The following KAZN variants were observed in gnomAD, a reference collection of about 807,000 sequenced individuals.
KAZN encodes kazrin, periplakin interacting protein, also known as kazrin.
A neutral mutation model predicts 87.4 loss-of-function variants in KAZN; 40 were observed. The ratio of observed to expected loss-of-function variants is 0.46; its 90% CI spans 0.36 to 0.60. The LOEUF is 0.60. Ranked by LOEUF, KAZN falls within the 20% of genes least tolerant of loss-of-function variation. The pLI is 0.00. For missense variants in KAZN, 898 were observed against 1,073.9 expected (o/e 0.84, Z 2.29); for synonymous variants, 466 against 458.3 (o/e 1.02, Z -0.22).
chr1:14,596,492 A>G (rs1001003760), upstream of KAZN, among the ~76,000 whole-genome samples: 2 of 152,228 alleles, frequency 1.3e-5, no homozygotes, highest in South Asian at 2.1e-4. Flanking sequence ...GAACAATTCA[A>G]TGGCACTTAG....
At chr1:14,867,724 A>ATCCCCCCCCC (rs35065469) in intron 1 of KAZN, among the ~76,000 whole-genome samples, 12 of 107,422 alleles carry the variant, frequency 1.1e-4, no homozygotes, top group East Asian at 3.2e-4. Context: ...CTTTGAAGAC[A>ATCCCCCCCCC]CCCCCCCCCC....
intron 1 of KAZN, among the ~76,000 whole-genome samples, chr1:14,076,149 C>A (rs1436404473): frequency 6.6e-6 from 1 of 151,988 alleles, no homozygotes; most frequent in Non-Finnish European, 1.5e-5. Context: ...GGCTTGGTGG[C>A]ACACACCTGT....
chr1:14,283,122 C>G (rs985781365), intron 2 of KAZN, among the ~76,000 whole-genome samples: 5 of 152,158 alleles, frequency 3.3e-5, no homozygotes, highest in Non-Finnish European at 5.9e-5. Context: ...CATTTCCTTT[C>G]TTTCTTTCTT....
intron 1 of KAZN, among the ~76,000 whole-genome samples, chr1:14,103,428 T>C (rs1644302849): frequency 1.3e-5 from 2 of 152,230 alleles, no homozygotes; most frequent in Admixed American, 6.5e-5. Context: ...ATTACAAGTT[T>C]AGCAGCTTAA....
chr1:14,240,748 C>T (rs1361336), intron 2 of KAZN, among the ~76,000 whole-genome samples: 41,794 of 152,172 alleles, frequency 0.27, 6,173 homozygotes, highest in East Asian at 0.48. Flanking sequence ...ATAGCTGCAC[C>T]GGGTCACTAT....
intron 2 of KAZN, among the ~76,000 whole-genome samples, chr1:14,234,460 A>G (rs1648199086): frequency 6.6e-6 from 1 of 152,182 alleles, no homozygotes; most frequent in Admixed American, 6.5e-5. Context: ...TGTAGATGAC[A>G]GGTTGATGGG....
chr1:15,099,270 G>GGAAGCA lies in KAZN; in HGVS notation c.1548-2273_1548-2272insGAAGCA. Among the ~76,000 whole-genome samples, 1 of 152,324 alleles carries GGAAGCA rather than the reference G, an allele frequency of 6.6e-6. No homozygotes were observed. Among genetic ancestry groups the GGAAGCA allele is most frequent in the Admixed American group, 6.5e-5 (1 of 15,304 alleles). ...AGGAAGCATTCAATCAGTGTCTACT[G>GGAAGCA]TGCACGTAGACTGTGCTGTTTGGCA... On this transcript the variant is annotated intron_variant, in intron 10 of 14. Coordinates refer to ENST00000376030, the MANE Select transcript of KAZN (RefSeq NM_201628.3). The surrounding 1 kb of genome is among the most constrained non-coding windows in gnomAD (Gnocchi z 5.4).
chr1:15,048,150 T>C lies in KAZN; in HGVS notation c.726+3991T>C, dbSNP rs527610095. Among the ~76,000 whole-genome samples the C allele has an allele frequency of 5.4e-4, 83 of 152,320 alleles. No individual in the cohort carries two copies. The South Asian group carries it at 0.011, about 19-fold the overall frequency. Reference sequence around the variant, plus strand: ...GATCCAGGCATCGTCCCTCCCCCCATGTCCTGAGGAGCCAACTCTGGGCCG... The same window carrying C: ...GATCCAGGCATCGTCCCTCCCCCCACGTCCTGAGGAGCCAACTCTGGGCCG... On this transcript the variant is annotated intron_variant, in intron 4 of 14. Transcript: ENST00000376030.
intron 2 of KAZN, among the ~76,000 whole-genome samples, chr1:14,334,938 CACAGAG>C (rs1195285383): frequency 2.0e-5 from 3 of 150,594 alleles, no homozygotes; most frequent in African/African-American, 5.0e-5. Context: ...CAGAAATAGA[CACAGAG>C]ACAGAGAGTG....
chr1:15,064,639 T>A (rs1639075125), intron 7 of KAZN, among the ~76,000 whole-genome samples: 1 of 152,010 alleles, frequency 6.6e-6, no homozygotes, highest in East Asian at 1.9e-4. Flanking sequence ...ACAGGTAGAG[T>A]CATGATCAGA....
At chr1:14,891,632 G>T (rs111754035) in intron 1 of KAZN, among the ~76,000 whole-genome samples, 2 of 152,154 alleles carry the variant, frequency 1.3e-5, no homozygotes, top group Non-Finnish European at 2.9e-5. Flanking sequence ...ATGGAATACC[G>T]TTGAATTGTT....
intron 2 of KAZN, among the ~76,000 whole-genome samples, chr1:14,481,171 T>A (rs1284441946): frequency 6.6e-6 from 1 of 152,116 alleles, no homozygotes; most frequent in Non-Finnish European, 1.5e-5. Context: ...GTTCAAATTC[T>A]ACCTCTGCCT....
chr1:14,680,571 C>A (rs2148758475), intron 1 of KAZN, among the ~76,000 whole-genome samples: 1 of 152,232 alleles, frequency 6.6e-6, no homozygotes, highest in South Asian at 2.1e-4. Flanking sequence ...AGGTTTTAAG[C>A]CCCACAGAAT....
At chr1:15,033,268 T>G (rs554471561) in intron 2 of KAZN, among the ~76,000 whole-genome samples, 3 of 152,234 alleles carry the variant, frequency 2.0e-5, no homozygotes, top group African/African-American at 7.2e-5. Context: ...TTATTTATTA[T>G]TAGGTAATAT....
chr1:14,539,828 T>C (rs1672706121), intron 2 of KAZN, among the ~76,000 whole-genome samples: 1 of 152,184 alleles, frequency 6.6e-6, no homozygotes, highest in Non-Finnish European at 1.5e-5. Flanking sequence ...AAATGTAAGA[T>C]AACAAATTAA....
intron 1 of KAZN, among the ~76,000 whole-genome samples, chr1:14,925,674 C>T (rs1219666284): frequency 1.3e-5 from 2 of 152,164 alleles, no homozygotes; most frequent in Non-Finnish European, 2.9e-5. Flanking sequence ...AGCTGGGGAG[C>T]ACACGGGCTT....
chr1:14,141,494 T>TTA (rs1645239470), intron 1 of KAZN, among the ~76,000 whole-genome samples: 1 of 149,718 alleles, frequency 6.7e-6, no homozygotes, highest in Non-Finnish European at 1.5e-5. Flanking sequence ...TTTACAGTAA[T>TTA]AAAAAAAAAA....
At chr1:14,821,136 G>A (rs1646726475) in intron 1 of KAZN, among the ~76,000 whole-genome samples, 1 of 152,190 alleles carries the variant, frequency 6.6e-6, no homozygotes, top group South Asian at 2.1e-4. Flanking sequence ...ATCCTTAGAA[G>A]TCACTGTTAT....
At chr1:15,033,660 A>T (rs1430122760) in intron 2 of KAZN, among the ~76,000 whole-genome samples, 2 of 152,202 alleles carry the variant, frequency 1.3e-5, no homozygotes, top group African/African-American at 4.8e-5. Context: ...CATTTCCCCG[A>T]TGACAATTGA....
Sources: gnomAD v4.1 joint callset for allele counts (sites outside exome capture counted in the v4.1 genomes callset) on GRCh38, gnomAD v4.1.1 for gene constraint, Gnocchi (gnomAD v3.1) non-coding constraint, MANE v1.5 for transcripts, NCBI Gene and HGNC (gene_info 2026-07-23, HGNC 2026-07-21) for gene names.